The following GPC6 variants were observed in gnomAD, a reference collection of about 807,000 sequenced individuals.
GPC6 encodes the protein glypican 6.
GPC6 carries 14 observed loss-of-function variants against 55.2 expected under a neutral mutation model. That is an observed-to-expected ratio of 0.25 (90% CI 0.17 to 0.40). The LOEUF is 0.40. Ranked by LOEUF, GPC6 falls within the 10% of genes least tolerant of loss-of-function variation. The probability of loss-of-function intolerance (pLI) is 1.00; values close to 1 mark genes in which losing one functional copy is unlikely to be tolerated. For synonymous variants in GPC6, 278 were observed against 259.6 expected (o/e 1.07, Z -0.68); for missense variants, 641 against 708.5 (o/e 0.90, Z 1.08).
intron 1 of GPC6, among the ~76,000 whole-genome samples, chr13:93,283,041 T>C (rs1873325199): frequency 4.3e-5 from 4 of 94,070 alleles, no homozygotes; most frequent in Non-Finnish European, 6.4e-5. Context: ...CCCCCTTCCA[T>C]GGAGATAATC....
intron 1 of GPC6, chr13:93,450,704 T>C: frequency 1.0e-6 from 1 of 970,824 alleles, no homozygotes; most frequent in Non-Finnish European, 1.2e-6. Flanking sequence ...GCTCCAACAC[T>C]TCCCACTTTT....
intron 1 of GPC6, among the ~76,000 whole-genome samples, chr13:93,510,304 C>T (rs1168473195): frequency 6.6e-6 from 1 of 152,078 alleles, no homozygotes; most frequent in East Asian, 1.9e-4. Context: ...CACTTCTCTT[C>T]ATCTTCCCTC....
At chr13:93,802,880 TAA>T (rs750333880) in intron 2 of GPC6, among the ~76,000 whole-genome samples, 23 of 152,356 alleles carry the variant, frequency 1.5e-4, no homozygotes, top group Admixed American at 2.6e-4. Flanking sequence ...TTTTTTAATA[TAA>T]GTTTGTCAAT....
intron 1 of GPC6, among the ~76,000 whole-genome samples, chr13:93,397,559 T>C (rs1282917567): frequency 2.0e-5 from 3 of 152,348 alleles, no homozygotes; most frequent in South Asian, 2.1e-4. Context: ...AATTGCCTTA[T>C]ATTTTGTACT....
At chr13:93,912,467 G>GGC (rs1877036007) in intron 3 of GPC6, among the ~76,000 whole-genome samples, 7 of 152,104 alleles carry the variant, frequency 4.6e-5, no homozygotes, top group Non-Finnish European at 2.9e-5. Context: ...AATTCGGCCG[G>GGC]GTGCAGTGGC....
At chr13:93,233,069 A>C (rs981631065) in intron 1 of GPC6, among the ~76,000 whole-genome samples, 3 of 152,110 alleles carry the variant, frequency 2.0e-5, no homozygotes, top group Non-Finnish European at 4.4e-5. Context: ...TTTACAGACT[A>C]AATTCTGCTA....
intron 2 of GPC6, among the ~76,000 whole-genome samples, chr13:93,622,737 G>T (rs1051417407): frequency 6.6e-6 from 1 of 152,058 alleles, no homozygotes; most frequent in African/African-American, 2.4e-5. Context: ...TTACCTCAAA[G>T]ATATCATTTA....
intron 2 of GPC6, among the ~76,000 whole-genome samples, chr13:93,741,260 G>A (rs1053852173): frequency 1.9e-4 from 29 of 150,638 alleles, no homozygotes; most frequent in Admixed American, 1.5e-3. Context: ...GACTACAGGC[G>A]CCCACCACCA....
At chr13:94,021,973 A>T (rs1189994501) in intron 3 of GPC6, among the ~76,000 whole-genome samples, 1 of 152,056 alleles carries the variant, frequency 6.6e-6, no homozygotes, top group Non-Finnish European at 1.5e-5. Context: ...AATAAATTTT[A>T]CTGTGTATCT....
At chr13:94,010,321 C>T (rs7988278) in intron 3 of GPC6, among the ~76,000 whole-genome samples, 2 of 151,914 alleles carry the variant, frequency 1.3e-5, no homozygotes, top group African/African-American at 4.8e-5. Context: ...TTTAGACAGA[C>T]ATTAACATCA....
intron 3 of GPC6, among the ~76,000 whole-genome samples, chr13:93,927,664 C>G (rs1265516081): frequency 6.9e-6 from 1 of 144,250 alleles, no homozygotes; most frequent in African/African-American, 2.6e-5. Flanking sequence ...CTTAATCTGT[C>G]TTAGCTTCAG....
chr13:93,873,657 C>A (rs147712981), intron 3 of GPC6, among the ~76,000 whole-genome samples: 327 of 151,968 alleles, frequency 2.2e-3, no homozygotes, highest in African/African-American at 7.4e-3. Flanking sequence ...GCAGACCGAT[C>A]TGGAGCTTGA....
intron 3 of GPC6, among the ~76,000 whole-genome samples, chr13:93,914,216 C>T (rs933639911): frequency 7.2e-5 from 11 of 152,256 alleles, no homozygotes; most frequent in African/African-American, 2.6e-4. Flanking sequence ...TCCCTCCCCC[C>T]TCTCCCCACC....
At chr13:93,644,669 A>C (rs1566465565) in intron 2 of GPC6, among the ~76,000 whole-genome samples, 1 of 151,952 alleles carries the variant, frequency 6.6e-6, no homozygotes, top group Non-Finnish European at 1.5e-5. Context: ...TTATAAAAAT[A>C]ATGATGATAG....
At chr13:93,764,474 T>C (rs1210071673) in intron 2 of GPC6, among the ~76,000 whole-genome samples, 1 of 152,088 alleles carries the variant, frequency 6.6e-6, no homozygotes. Context: ...AGGAATAAAT[T>C]AATTAGTGCC....
At chr13:94,324,148 G>T (rs74735513) in intron 6 of GPC6, among the ~76,000 whole-genome samples, 1,988 of 152,182 alleles carry the variant, frequency 0.013, 24 homozygotes, top group Non-Finnish European at 0.02. Flanking sequence ...GTTACATGAA[G>T]GTATTTGGGA....
chr13:93,436,243 A>G (rs1877567921), intron 1 of GPC6, among the ~76,000 whole-genome samples: 1 of 152,182 alleles, frequency 6.6e-6, no homozygotes. Flanking sequence ...TGTCATTGTA[A>G]ATGACATTGA....
At chr13:93,975,092 A>G (rs1880457601) in intron 3 of GPC6, among the ~76,000 whole-genome samples, 1 of 152,148 alleles carries the variant, frequency 6.6e-6, no homozygotes, top group Non-Finnish European at 1.5e-5. Flanking sequence ...TCTCCTGGAC[A>G]TGTTGAATTG....
intron 1 of GPC6, among the ~76,000 whole-genome samples, chr13:93,503,117 A>G (rs1383129560): frequency 6.6e-6 from 1 of 152,152 alleles, no homozygotes; most frequent in Non-Finnish European, 1.5e-5. Context: ...TGGGCATACC[A>G]TCCTGTATCA....
Sources: allele counts gnomAD v4.1 joint callset (sites outside exome capture counted in the v4.1 genomes callset), GRCh38; gene constraint gnomAD v4.1.1; transcripts MANE v1.5; gene names NCBI Gene and HGNC (gene_info 2026-07-23, HGNC 2026-07-21).